Variants in TPBGL observed in about 807,000 individuals in gnomAD.
TPBGL encodes trophoblast glycoprotein like, also known as trophoblast glycoprotein-like.
For synonymous variants in TPBGL, 380 were observed against 314.8 expected, an observed-to-expected ratio of 1.21 and a Z score of -2.19; for missense variants, 685 against 609.4, an observed-to-expected ratio of 1.12 and a Z score of -1.31.
In TPBGL at chr11:75,241,758, C is replaced by CG; in HGVS notation, c.710dup (p.Cys238LeufsTer177). The CG allele has an allele frequency of 7.7e-7, 1 of 1,306,546 alleles. No homozygotes were observed. The allele number at this position is 1,306,546 out of a possible 1,614,324, so 80.9% of individuals were successfully genotyped here. ...CCTGCTGCTCGCCGACAACCCCCTG[C>CG]GCTGCGGCTGTGCCGCACGCCCCCT... On this transcript the variant is annotated frameshift_variant, in exon 1 of 1. Transcript: ENST00000562197. LOFTEE classifies it low-confidence loss of function (END_TRUNC).
chr11:75,243,390 T>C lies in TPBGL; in HGVS notation c.*1192T>C, dbSNP rs891941448. Reference sequence around the variant, plus strand: ...CCGCTACCACCACCACCTCACCCCGTGTATCTTCTGAAAGAGAAGTAGGTC... The same window carrying C: ...CCGCTACCACCACCACCTCACCCCGCGTATCTTCTGAAAGAGAAGTAGGTC... On this transcript the variant is annotated 3_prime_UTR_variant, in exon 1 of 1. Coordinates refer to ENST00000562197, the MANE Select transcript of TPBGL (RefSeq NM_001195528.2). The C allele has an allele frequency of 2.0e-5, 3 of 152,400 alleles. No homozygotes were observed. The highest frequency in any genetic ancestry group is 2.9e-5 in the Non-Finnish European group (2 of 68,132). 9.4% of individuals were successfully genotyped at this position (152,400 alleles called of 1,614,324 possible). A position where few individuals can be genotyped will look rare whatever the true frequency, so the allele number is the denominator to read the frequency against.
chr11:75,242,898 C>T lies in TPBGL; in HGVS notation c.*700C>T, dbSNP rs1245073692. On this transcript the variant is annotated 3_prime_UTR_variant, in exon 1 of 1. Transcript: ENST00000562197. ...CCATCTAGCCTTAGTGTGGAGCCAA[C>T]TCTCAGCCTTTCCCACCAGGGCGCT... is the stretch of plus-strand genomic sequence containing the variant. 1 of 152,316 alleles carries T rather than the reference C, an allele frequency of 6.6e-6. No individual in the cohort carries two copies. Among genetic ancestry groups the T allele is most frequent in the East Asian group, 1.9e-4 (1 of 5,182 alleles). 9.4% of individuals were successfully genotyped at this position (152,316 alleles called of 1,614,324 possible).
At position 75,242,310 on chromosome 11, in the gene TPBGL, A is replaced by G. The variant is rs935951772; in HGVS notation, c.*112A>G. ...CCCTGACTCGGAGGCGCTAAGCCGT[A>G]CCCTCTCGTTCCCGCCTCCGAGAGC... is the stretch of plus-strand genomic sequence containing the variant. On this transcript the variant is annotated 3_prime_UTR_variant, in exon 1 of 1. Transcript: ENST00000562197. The G allele has an allele frequency of 4.8e-6, 5 of 1,035,184 alleles. No homozygotes were observed. The African/African-American group carries it at 8.6e-5, about 18-fold the overall frequency. 64.1% of individuals were successfully genotyped at this position (1,035,184 alleles called of 1,614,324 possible).
chr11:75,242,042 C>T lies in TPBGL; in HGVS notation c.993C>T (p.Arg331=). Residue 331 remains arginine (R), a synonymous_variant, in exon 1 of 1, where the codon CGC becomes CGT. Transcript: ENST00000562197. ...TCATGGTGCTCTACCTAAACCGCCG[C>T]GGCATCCAGCGCTGGATGCGCAACC... The part of the protein sequence containing the change: ...IFLMVLYLNR[R]GIQRWMRNLR... 6.9e-7 allele frequency: 1 copy of T among 1,456,278 alleles called. No individual in the cohort carries two copies. The highest frequency in any genetic ancestry group is 9.1e-7 in the Non-Finnish European group (1 of 1,103,370). The allele number at this position is 1,456,278 out of a possible 1,614,324, so 90.2% of individuals were successfully genotyped here.
Position 75,241,754 on chromosome 11 carries a change from C to G in TPBGL, c.705C>G (p.Pro235=), listed in dbSNP as rs1298517665. ...CGCGCCTGCTGCTCGCCGACAACCCCCTGCGCTGCGGCTGTGCCGCACGCC... is the reference window on the plus strand; with the variant it reads ...CGCGCCTGCTGCTCGCCGACAACCCGCTGCGCTGCGGCTGTGCCGCACGCC... ...PGPRLLLADN[P]LRCGCAARPL... is the part of the protein sequence containing the mutation. The change falls in exon 1 of 1, where the codon CCC becomes CCG. Residue 235 remains proline (P), a synonymous_variant. Coordinates refer to ENST00000562197, the MANE Select transcript of TPBGL (RefSeq NM_001195528.2). 7.7e-7 allele frequency: 1 copy of G among 1,306,542 alleles called. No homozygotes were observed. Among genetic ancestry groups the G allele is most frequent in the Non-Finnish European group, 9.8e-7 (1 of 1,025,258 alleles). The allele number at this position is 1,306,542 out of a possible 1,614,324, so 80.9% of individuals were successfully genotyped here.
chr11:75,241,395 G>C lies in TPBGL; in HGVS notation c.346G>C (p.Gly116Arg). ...IEVVEDGAFD[G>R]LPSLAALDLS... ...GGTGGTGGAGGACGGCGCCTTCGACGGGCTGCCCAGCCTGGCGGCGCTCGA... is the reference window on the plus strand; with the variant it reads ...GGTGGTGGAGGACGGCGCCTTCGACCGGCTGCCCAGCCTGGCGGCGCTCGA... Residue 116 changes from glycine to arginine, a missense_variant, in exon 1 of 1, where the codon GGG becomes CGG. Physicochemically the swap from Gly to Arg is moderately radical, Grantham distance 125. Coordinates refer to ENST00000562197, the MANE Select transcript of TPBGL (RefSeq NM_001195528.2). The C allele has an allele frequency of 7.3e-7, 1 of 1,369,144 alleles. No individual in the cohort carries two copies. The highest frequency in any genetic ancestry group is 9.4e-7 in the Non-Finnish European group (1 of 1,061,678). The allele number at this position is 1,369,144 out of a possible 1,614,324, so 84.8% of individuals were successfully genotyped here.
chr11:75,241,559 G>A lies in TPBGL; in HGVS notation c.510G>A (p.Pro170=). Residue 170 remains proline, a synonymous_variant, in exon 1 of 1, where the codon CCG becomes CCA. Coordinates refer to ENST00000562197, the MANE Select transcript of TPBGL (RefSeq NM_001195528.2). ...LLAALDAALA[P]LAELRLLGLA... is the part of the protein sequence containing the mutation. ...CCGCGCTGGACGCTGCGCTGGCACC[G>A]CTGGCCGAGCTTCGCCTGCTGGGCC... 1 of 1,292,466 alleles carries A rather than the reference G, an allele frequency of 7.7e-7. No individual in the cohort carries two copies. The highest frequency in any genetic ancestry group is 9.9e-7 in the Non-Finnish European group (1 of 1,013,316). The allele number at this position is 1,292,466 out of a possible 1,614,324, so 80.1% of individuals were successfully genotyped here. A position where few individuals can be genotyped will look rare whatever the true frequency, so the allele number is the denominator to read the frequency against.
In TPBGL at chr11:75,242,182, C is replaced by T. The variant is rs1565567958; in HGVS notation, c.1133C>T (p.Pro378Leu). 8.7e-7 allele frequency: 1 copy of T among 1,155,702 alleles called. No individual in the cohort carries two copies. The highest frequency in any genetic ancestry group is 1.1e-6 in the Non-Finnish European group (1 of 942,888). 71.6% of individuals were successfully genotyped at this position (1,155,702 alleles called of 1,614,324 possible). ...AAPAGSRATS[P>L]GSGL ...CCCGCGGGCTCCCGCGCCACCTCCC[C>T]GGGCTCGGGGCTCTGAGCGGCGCCC... is the stretch of plus-strand genomic sequence containing the variant. The change falls in exon 1 of 1, where the codon CCG (proline) becomes CTG (leucine). Residue 378 changes from proline (P) to leucine (L), a missense_variant. Coordinates refer to ENST00000562197, the MANE Select transcript of TPBGL (RefSeq NM_001195528.2).
chr11:75,242,053 G>A lies in TPBGL; in HGVS notation c.1004G>A (p.Arg335His), dbSNP rs1271817572. The A allele has an allele frequency of 6.9e-7, 1 of 1,451,384 alleles. No individual in the cohort carries two copies. Among genetic ancestry groups the A allele is most frequent in the Non-Finnish European group, 9.1e-7 (1 of 1,100,566 alleles). The allele number at this position is 1,451,384 out of a possible 1,614,324, so 89.9% of individuals were successfully genotyped here. The change falls in exon 1 of 1, where the codon CGC (arginine) becomes CAC (histidine). Residue 335 changes from arginine to histidine, a missense_variant. By Grantham distance (29) the Arg-to-His change is conservative. Coordinates refer to ENST00000562197, the MANE Select transcript of TPBGL (RefSeq NM_001195528.2). ...TACCTAAACCGCCGCGGCATCCAGC[G>A]CTGGATGCGCAACCTGCGCGAGGCG... ...VLYLNRRGIQ[R>H]WMRNLREACR...
rs1183355374 is a variant in TPBGL, at chr11:75,242,030, C to G, written c.981C>G (p.Tyr327Ter). Residue 327 changes from tyrosine (Y) to a stop codon, truncating the protein, a stop_gained, in exon 1 of 1, where the codon TAC becomes TAG. Coordinates refer to ENST00000562197, the MANE Select transcript of TPBGL (RefSeq NM_001195528.2). LOFTEE classifies it low-confidence loss of function (END_TRUNC). ...GCCTCATCTTCCTCATGGTGCTCTA[C>G]CTAAACCGCCGCGGCATCCAGCGCT... ...LIGLIFLMVL[Y>*]LNRRGIQRWM... 6.8e-7 allele frequency: 1 copy of G among 1,462,802 alleles called. No individual in the cohort carries two copies. Among genetic ancestry groups the G allele is most frequent in the East Asian group, 3.0e-5 (1 of 33,588 alleles). 90.6% of individuals were successfully genotyped at this position (1,462,802 alleles called of 1,614,324 possible). A position where few individuals can be genotyped will look rare whatever the true frequency, so the allele number is the denominator to read the frequency against.
In TPBGL at chr11:75,241,120, C is replaced by T; in HGVS notation, c.71C>T (p.Ala24Val). Residue 24 changes from alanine to valine, a missense_variant, in exon 1 of 1, where the codon GCG (alanine) becomes GTG (valine). Coordinates refer to ENST00000562197, the MANE Select transcript of TPBGL (RefSeq NM_001195528.2). The stretch of plus-strand genomic sequence containing the variant: ...GTGGCGGCGGCGCTGAGCCAGCCCG[C>T]GGCACCCTGCCCCTTCCAGTGCTAC... Reference protein sequence around the residue: ...LLVAAALSQPAAPCPFQCYCF... With the variant: ...LLVAAALSQPVAPCPFQCYCF... The T allele has an allele frequency of 7.1e-7, 1 of 1,405,952 alleles. No individual in the cohort carries two copies. Among genetic ancestry groups the T allele is most frequent in the African/African-American group, 1.5e-5 (1 of 66,988 alleles). 87.1% of individuals were successfully genotyped at this position (1,405,952 alleles called of 1,614,324 possible).
In TPBGL at chr11:75,241,183, C is replaced by T. The variant is rs1282433452; in HGVS notation, c.134C>T (p.Ser45Leu). 2.1e-5 allele frequency: 30 copies of T among 1,452,510 alleles called. No homozygotes were observed. The highest frequency in any genetic ancestry group is 2.6e-5 in the Non-Finnish European group (29 of 1,105,406). The allele number at this position is 1,452,510 out of a possible 1,614,324, so 90.0% of individuals were successfully genotyped here. Reference sequence around the variant, plus strand: ...CCCAAGCTGCTGCTGCGCTGCGCGTCGGGAGCCGAGCTCCGCCAGCCTCCG... The same window carrying T: ...CCCAAGCTGCTGCTGCGCTGCGCGTTGGGAGCCGAGCTCCGCCAGCCTCCG... ...GGPKLLLRCASGAELRQPPRD... is the reference protein window; with the variant it reads ...GGPKLLLRCALGAELRQPPRD... The change falls in exon 1 of 1, where the codon TCG becomes TTG. Residue 45 changes from serine to leucine, a missense_variant. Transcript: ENST00000562197.
chr11:75,241,181 G>A lies in TPBGL; in HGVS notation c.132G>A (p.Ala44=). Residue 44 remains alanine (A), a synonymous_variant, in exon 1 of 1, where the codon GCG becomes GCA. Coordinates refer to ENST00000562197, the MANE Select transcript of TPBGL (RefSeq NM_001195528.2). ...GCCCCAAGCTGCTGCTGCGCTGCGC[G>A]TCGGGAGCCGAGCTCCGCCAGCCTC... ...FGGPKLLLRC[A]SGAELRQPPR... 6.9e-7 allele frequency: 1 copy of A among 1,451,964 alleles called. No homozygotes were observed. The highest frequency in any genetic ancestry group is 9.0e-7 in the Non-Finnish European group (1 of 1,105,026). The allele number at this position is 1,451,964 out of a possible 1,614,324, so 89.9% of individuals were successfully genotyped here.
chr11:75,242,178 TCCCCGGGCTCGGGGCTCTGAGCGGCGC>T lies in TPBGL; in HGVS notation c.1146_*23del, dbSNP rs1201821869. On this transcript the variant is annotated stop_lost and 3_prime_UTR_variant, in exon 1 of 1. Transcript: ENST00000562197. ...CGCGCCCGCGGGCTCCCGCGCCACCTCCCCGGGCTCGGGGCTCTGAGCGGCGCCCCCGGGCTCGGGGCTTCCCTTGCC... is the reference window on the plus strand; with the variant it reads ...CGCGCCCGCGGGCTCCCGCGCCACCTCCCCGGGCTCGGGGCTTCCCTTGCC... 19 of 1,159,178 alleles carry T rather than the reference TCCCCGGGCTCGGGGCTCTGAGCGGCGC, an allele frequency of 1.6e-5. No homozygotes were observed. In the East Asian group the frequency reaches 1.7e-4, roughly 11 times the overall value. The allele number at this position is 1,159,178 out of a possible 1,614,324, so 71.8% of individuals were successfully genotyped here. A position where few individuals can be genotyped will look rare whatever the true frequency, so the allele number is the denominator to read the frequency against.
rs528528593 is a variant in TPBGL, at chr11:75,242,572, C to T, written c.*374C>T. 83 of 152,664 alleles carry T rather than the reference C, an allele frequency of 5.4e-4. No individual in the cohort carries two copies. The highest frequency in any genetic ancestry group is 3.4e-3 in the Middle Eastern group (1 of 298). 9.5% of individuals were successfully genotyped at this position (152,664 alleles called of 1,614,324 possible). A position where few individuals can be genotyped will look rare whatever the true frequency, so the allele number is the denominator to read the frequency against. ...CTCGCCAGCTCGGAGCCCTCAGTCC[C>T]CTCCGGGGCTTGAGGGCCCTTCCAT... is the stretch of plus-strand genomic sequence containing the variant. On this transcript the variant is annotated 3_prime_UTR_variant, in exon 1 of 1. Coordinates refer to ENST00000562197, the MANE Select transcript of TPBGL (RefSeq NM_001195528.2).
rs137982262 is a variant in TPBGL at position 75,241,679 on chromosome 11, G to C, written c.630G>C (p.Leu210=). The change falls in exon 1 of 1, where the codon CTG becomes CTC. Residue 210 remains leucine, a synonymous_variant. Coordinates refer to ENST00000562197, the MANE Select transcript of TPBGL (RefSeq NM_001195528.2). ...LDVRLNALAG[L]DPDELRALER... ...TGCGCCTCAACGCGCTGGCCGGCCT[G>C]GACCCCGACGAGCTGCGCGCGCTGG... is the stretch of plus-strand genomic sequence containing the variant. 2.3e-6 allele frequency: 3 copies of C among 1,285,314 alleles called. No individual in the cohort carries two copies. The East Asian group carries it at 1.1e-4, about 49-fold the overall frequency. 79.6% of individuals were successfully genotyped at this position (1,285,314 alleles called of 1,614,324 possible). A position where few individuals can be genotyped will look rare whatever the true frequency, so the allele number is the denominator to read the frequency against.
chr11:75,241,911 A>G lies in TPBGL; in HGVS notation c.862A>G (p.Ser288Gly), dbSNP rs920321382. ...LDGARLRCADSGADARGEEAE... is the reference protein window; with the variant it reads ...LDGARLRCADGGADARGEEAE... ...CGGGGCGCGGCTTCGCTGCGCGGAC[A>G]GCGGCGCCGACGCTCGCGGAGAGGA... The change falls in exon 1 of 1, where the codon AGC becomes GGC. Residue 288 changes from serine to glycine, a missense_variant. Physicochemically the swap from Ser to Gly is moderately conservative, Grantham distance 56. Coordinates refer to ENST00000562197, the MANE Select transcript of TPBGL (RefSeq NM_001195528.2). 6 of 1,476,884 alleles carry G rather than the reference A, an allele frequency of 4.1e-6. No homozygotes were observed. The East Asian group carries it at 8.6e-5, about 21-fold the overall frequency. The allele number at this position is 1,476,884 out of a possible 1,614,324, so 91.5% of individuals were successfully genotyped here.
In TPBGL at chr11:75,240,944, C is replaced by G. The variant is rs1945592911; in HGVS notation, c.-106C>G. The G allele has an allele frequency of 1.2e-6, 1 of 848,412 alleles. No individual in the cohort carries two copies. Among genetic ancestry groups the G allele is most frequent in the South Asian group, 5.9e-5 (1 of 16,976 alleles). 52.6% of individuals were successfully genotyped at this position (848,412 alleles called of 1,614,324 possible). ...ACAGCGAACGGACCGACCGGGACTG[C>G]CAGCCGCTCCGGGTCAAGGACTCGC... On this transcript the variant is annotated 5_prime_UTR_variant, in exon 1 of 1. Transcript: ENST00000562197.
In TPBGL at chr11:75,241,950, G is replaced by T; in HGVS notation, c.901G>T (p.Gly301Cys). 1.3e-6 allele frequency: 2 copies of T among 1,490,040 alleles called. No individual in the cohort carries two copies. The highest frequency in any genetic ancestry group is 1.8e-6 in the Non-Finnish European group (2 of 1,122,860). 92.3% of individuals were successfully genotyped at this position (1,490,040 alleles called of 1,614,324 possible). A position where few individuals can be genotyped will look rare whatever the true frequency, so the allele number is the denominator to read the frequency against. Reference protein sequence around the residue: ...DARGEEAEAAGPELEASYVFF... With the variant: ...DARGEEAEAACPELEASYVFF... ...TCGCGGAGAGGAGGCGGAGGCCGCC[G>T]GCCCGGAGCTGGAAGCCTCCTACGT... Residue 301 changes from glycine to cysteine, a missense_variant, in exon 1 of 1, where the codon GGC (glycine) becomes TGC (cysteine). By Grantham distance (159) the Gly-to-Cys change is radical (BLOSUM62 -3). Coordinates refer to ENST00000562197, the MANE Select transcript of TPBGL (RefSeq NM_001195528.2).
Sources: allele counts gnomAD v4.1 joint callset, GRCh38; gene constraint gnomAD v4.1.1; transcripts MANE v1.5; gene names NCBI Gene and HGNC (gene_info 2026-07-23, HGNC 2026-07-21).